MYRIP: variants seen among roughly 807,000 people sequenced by gnomAD.
MYRIP encodes the protein rab effector MyRIP.
Under a neutral mutation model 98.0 loss-of-function variants are expected in MYRIP, and 49 were observed. The ratio of observed to expected loss-of-function variants is 0.50; its 90% CI spans 0.40 to 0.63. The LOEUF is 0.63. Ranked by LOEUF, MYRIP falls within the 30% of genes least tolerant of loss-of-function variation. The pLI, the probability that MYRIP is intolerant of heterozygous loss-of-function variation, is 0.00. For synonymous variants in MYRIP, 404 were observed against 409.5 expected (o/e 0.99, Z 0.16); for missense variants, 1,004 against 1,058.2 (o/e 0.95, Z 0.71).
In MYRIP at chr3:40,077,891, G is replaced by A. The variant is rs1288752435; in HGVS notation, c.332+33620G>A. On this transcript the variant is annotated intron_variant, in intron 3 of 16. Transcript: ENST00000302541. ...GGCTGCAGGTGGGGCTGCAGGTGGA[G>A]CTGCCTGCCAGTCCCGCGCCCTGCG... is the stretch of plus-strand genomic sequence containing the variant. 2.0e-5 allele frequency among the ~76,000 whole-genome samples: 3 copies of A among 152,144 alleles called. No individual in the cohort carries two copies. In the East Asian group the frequency reaches 5.8e-4, roughly 30 times the overall value.
At chr3:40,068,943 G>A (rs537735566) in intron 3 of MYRIP, among the ~76,000 whole-genome samples, 45 of 152,248 alleles carry the variant, frequency 3.0e-4, no homozygotes, top group African/African-American at 1.0e-3. Context: ...ACTGCTCTGC[G>A]TCACCAGCTA....
chr3:40,032,625 C>G (rs1264944763), intron 2 of MYRIP, among the ~76,000 whole-genome samples: 2 of 152,038 alleles, frequency 1.3e-5, no homozygotes, highest in Non-Finnish European at 2.9e-5. Flanking sequence ...GATTCACAGC[C>G]GAATTCTACC....
intron 3 of MYRIP, among the ~76,000 whole-genome samples, chr3:40,146,122 G>C (rs1950005183): frequency 6.6e-6 from 1 of 152,150 alleles, no homozygotes; most frequent in African/African-American, 2.4e-5. Context: ...TAATCATAGA[G>C]AATTATATAT....
chr3:39,810,980 A>G (rs1176511405), intron 1 of MYRIP, among the ~76,000 whole-genome samples: 1 of 152,036 alleles, frequency 6.6e-6, no homozygotes, highest in Non-Finnish European at 1.5e-5. Context: ...TTTTCTTGAC[A>G]CTTACTCAGG....
chr3:40,204,773 T>C (rs1174954867), intron 10 of MYRIP, among the ~76,000 whole-genome samples: 3 of 152,136 alleles, frequency 2.0e-5, no homozygotes, highest in Admixed American at 2.0e-4. Context: ...ATCTTAGAGC[T>C]AGATGGTGTC....
At chr3:40,131,856 T>C (rs977428967) in intron 3 of MYRIP, among the ~76,000 whole-genome samples, 2 of 152,136 alleles carry the variant, frequency 1.3e-5, no homozygotes, top group Admixed American at 6.5e-5. Flanking sequence ...TTTCCAAAAC[T>C]TTTAACTAGA....
intron 3 of MYRIP, among the ~76,000 whole-genome samples, chr3:40,101,985 A>G (rs1319355048): frequency 6.6e-6 from 1 of 152,162 alleles, no homozygotes; most frequent in African/African-American, 2.4e-5. Context: ...TTTTATTGGG[A>G]GAACTGTCAG....
intron 1 of MYRIP, among the ~76,000 whole-genome samples, chr3:39,879,380 T>C (rs1385616454): frequency 6.6e-6 from 1 of 151,898 alleles, no homozygotes; most frequent in African/African-American, 2.4e-5. Flanking sequence ...TGGGTGACTT[T>C]TTTTTTTCTA....
intron 2 of MYRIP, among the ~76,000 whole-genome samples, chr3:40,017,693 C>CTTTTTTT (rs904657247): frequency 8.7e-5 from 10 of 114,750 alleles, no homozygotes; most frequent in African/African-American, 1.3e-4. Context: ...TAATTTACTT[C>CTTTTTTT]TTTTTTTTTT....
chr3:40,118,908 C>T (rs1949339640), intron 3 of MYRIP, among the ~76,000 whole-genome samples: 1 of 151,916 alleles, frequency 6.6e-6, no homozygotes, highest in Admixed American at 6.6e-5. Context: ...AGGACATGAA[C>T]TCATCCTTTT....
rs193286788 is a variant in MYRIP at position 39,890,589 on chromosome 3, A to G, written c.-30-10198A>G. Among the ~76,000 whole-genome samples the G allele has an allele frequency of 1.7e-4, 25 of 148,210 alleles. No homozygotes were observed. The East Asian group carries it at 3.9e-3, about 23-fold the overall frequency. Reference sequence around the variant, plus strand: ...GAGTTTAATTTTATCATGAATAGCTATCTATGGAAAGTTCATAGGGGTAGG... The same window carrying G: ...GAGTTTAATTTTATCATGAATAGCTGTCTATGGAAAGTTCATAGGGGTAGG... On this transcript the variant is annotated intron_variant, in intron 1 of 16. Coordinates refer to ENST00000302541, the MANE Select transcript of MYRIP (RefSeq NM_015460.4).
chr3:39,935,403 G>A (rs531044853), intron 2 of MYRIP, among the ~76,000 whole-genome samples: 22 of 152,230 alleles, frequency 1.4e-4, no homozygotes, highest in African/African-American at 4.3e-4. Flanking sequence ...AACTGGGTGG[G>A]TTATCAAAAT....
intron 2 of MYRIP, among the ~76,000 whole-genome samples, chr3:40,031,732 G>C (rs1297778793): frequency 5.3e-5 from 8 of 152,038 alleles, no homozygotes; most frequent in Non-Finnish European, 7.4e-5. Context: ...TGTATGTGTC[G>C]AGGAATTTAT....
In MYRIP at chr3:40,207,581, T is replaced by A. The variant is rs536710255; in HGVS notation, c.1666-2273T>A. ...ATGTCTCCCTTTAGAATTTATCCAA[T>A]TACAAACTGTCTCAAGTAAAATTGA... On this transcript the variant is annotated intron_variant, in intron 10 of 16. Coordinates refer to ENST00000302541, the MANE Select transcript of MYRIP (RefSeq NM_015460.4). 2.6e-5 allele frequency among the ~76,000 whole-genome samples: 4 copies of A among 152,314 alleles called. No homozygotes were observed. The South Asian group carries it at 8.3e-4, about 32-fold the overall frequency.
chr3:39,829,698 T>A (rs1006438607), intron 1 of MYRIP, among the ~76,000 whole-genome samples: 2 of 152,136 alleles, frequency 1.3e-5, no homozygotes, highest in East Asian at 1.9e-4. Context: ...TACTTTTTTT[T>A]ATACATAATA....
Position 40,033,559 on chromosome 3 carries a change from T to G in MYRIP, c.111-10491T>G, listed in dbSNP as rs374236819. Among the ~76,000 whole-genome samples, 22 of 152,078 alleles carry G rather than the reference T, an allele frequency of 1.4e-4. No individual in the cohort carries two copies. In the East Asian group the frequency reaches 1.5e-3, roughly 11 times the overall value. ...AGGAGAACTACAAACCACTGCTCAA[T>G]GAAATAAAAGAGGATACAAAGAAAT... On this transcript the variant is annotated intron_variant, in intron 2 of 16. Coordinates refer to ENST00000302541, the MANE Select transcript of MYRIP (RefSeq NM_015460.4).
chr3:40,014,865 C>T (rs922584757), intron 2 of MYRIP, among the ~76,000 whole-genome samples: 5 of 152,168 alleles, frequency 3.3e-5, no homozygotes, highest in African/African-American at 7.2e-5. Context: ...GCTGGCCTTA[C>T]GTTACAGTTT....
chr3:39,984,132 G>A (rs551229486), intron 2 of MYRIP, among the ~76,000 whole-genome samples: 13 of 152,220 alleles, frequency 8.5e-5, no homozygotes, highest in African/African-American at 3.1e-4. Flanking sequence ...GGCAGGCCAG[G>A]CCAACTTAGA....
intron 2 of MYRIP, among the ~76,000 whole-genome samples, chr3:40,033,291 C>T (rs1232460950): frequency 6.6e-6 from 1 of 151,034 alleles, no homozygotes; most frequent in African/African-American, 2.4e-5. Flanking sequence ...TCCCTGTTTG[C>T]AGACGACATG....
Sources: gnomAD v4.1 joint callset for allele counts (sites outside exome capture counted in the v4.1 genomes callset) on GRCh38, gnomAD v4.1.1 for gene constraint, MANE v1.5 for transcripts, NCBI Gene and HGNC (gene_info 2026-07-23, HGNC 2026-07-21) for gene names.